Variants in ANKS6 observed in about 807,000 individuals in gnomAD.
ANKS6 encodes ankyrin repeat and SAM domain-containing protein 6.
Under a neutral mutation model 77.9 loss-of-function variants are expected in ANKS6, and 47 were observed. The observed-to-expected ratio is 0.60, with a 90% CI of 0.48 to 0.77. The LOEUF (loss-of-function observed/expected upper bound fraction) is 0.77. Ranked by LOEUF, ANKS6 falls within the 30% of genes least tolerant of loss-of-function variation. The pLI, the probability that ANKS6 is intolerant of heterozygous loss-of-function variation, is 0.00. For missense variants in ANKS6, 1,150 were observed against 1,159.1 expected (o/e 0.99, Z 0.11); for synonymous variants, 488 against 501.7 (o/e 0.97, Z 0.37).
chr9:98,737,040 G>A (rs1248302591), intron 14 of ANKS6, among the ~76,000 whole-genome samples: 2 of 152,168 alleles, frequency 1.3e-5, no homozygotes, highest in African/African-American at 2.4e-5. Context: ...AGTTTAAACT[G>A]CCTTTGCTTC....
chr9:98,795,481 A>G (rs575604127), intron 1 of ANKS6, among the ~76,000 whole-genome samples: 1 of 152,156 alleles, frequency 6.6e-6, no homozygotes, highest in African/African-American at 2.4e-5. Context: ...AGGGAGGACT[A>G]GTACATCATT....
In ANKS6 at chr9:98,732,426, G is replaced by C. The variant is rs975487356; in HGVS notation, c.*4093C>G. 6 of 1,459,856 alleles carry C rather than the reference G, an allele frequency of 4.1e-6. No individual in the cohort carries two copies. The highest frequency in any genetic ancestry group is 5.6e-6 in the Non-Finnish European group (6 of 1,069,260). The allele number at this position is 1,459,856 out of a possible 1,614,324, so 90.4% of individuals were successfully genotyped here. A position where few individuals can be genotyped will look rare whatever the true frequency, so the allele number is the denominator to read the frequency against. On this transcript the variant is annotated 3_prime_UTR_variant, in exon 15 of 15. Transcript: ENST00000353234. ...CAGTGACAGCAAGACCCAGAGTCAG[G>C]CACATTTGGAGGGCAGGTCCATCGG... is the stretch of plus-strand genomic sequence containing the variant.
chr9:98,783,984 A>G lies in ANKS6; in HGVS notation c.1081T>C (p.Trp361Arg). Residue 361 changes from tryptophan to arginine, a missense_variant, in exon 4 of 15, where the codon TGG (tryptophan) becomes CGG (arginine). By Grantham distance (101) the Trp-to-Arg change is moderately radical. Coordinates refer to ENST00000353234, the MANE Select transcript of ANKS6 (RefSeq NM_173551.5). ...DVDKQDSVHG[W>R]TALMQATYHG... ...TAGGTTGCCTGCATGAGGGCCGTCCAGCCATGCACGCTGTCCTGCTTGTCA... is the reference window on the plus strand; with the variant it reads ...TAGGTTGCCTGCATGAGGGCCGTCCGGCCATGCACGCTGTCCTGCTTGTCA... The G allele has an allele frequency of 6.2e-7, 1 of 1,604,650 alleles. No individual in the cohort carries two copies. Among genetic ancestry groups the G allele is most frequent in the Non-Finnish European group, 8.5e-7 (1 of 1,176,630 alleles).
intron 14 of ANKS6, among the ~76,000 whole-genome samples, chr9:98,739,991 G>A (rs1237688182): frequency 1.3e-5 from 2 of 151,830 alleles, no homozygotes; most frequent in East Asian, 1.9e-4. Context: ...TCCTGACCTC[G>A]TGATCCGCCC....
intron 11 of ANKS6, among the ~76,000 whole-genome samples, chr9:98,767,439 C>A (rs1186514426): frequency 2.0e-5 from 3 of 152,180 alleles, no homozygotes; most frequent in African/African-American, 2.4e-5. Flanking sequence ...TAGGGCCCCC[C>A]ACCTGTGCCC....
At chr9:98,787,462 T>C (rs1356057402) in intron 2 of ANKS6, among the ~76,000 whole-genome samples, 2 of 152,014 alleles carry the variant, frequency 1.3e-5, no homozygotes, top group African/African-American at 4.8e-5. Context: ...CTGTCTCCCC[T>C]TATCAAGGCC....
At chr9:98,736,819 A>G (rs1182507521) in intron 14 of ANKS6, among the ~76,000 whole-genome samples, 196 bp from the exon 15 acceptor site, 1 of 152,152 alleles carries the variant, frequency 6.6e-6, no homozygotes, top group East Asian at 1.9e-4. Context: ...AGTACCCACC[A>G]TCGCAGCCTG....
At chr9:98,789,308 G>A (rs1219839253) in intron 2 of ANKS6, among the ~76,000 whole-genome samples, 1 of 151,868 alleles carries the variant, frequency 6.6e-6, no homozygotes, top group African/African-American at 2.4e-5. Context: ...TACCAAGGCT[G>A]TGTGTTGCGA....
intron 1 of ANKS6, among the ~76,000 whole-genome samples, chr9:98,790,995 G>A (rs1285654260): frequency 1.3e-5 from 2 of 152,226 alleles, no homozygotes; most frequent in African/African-American, 2.4e-5. Context: ...CAATGTTAGC[G>A]ATTGTTAGGT....
At chr9:98,783,334 G>T (rs1410744399) in intron 4 of ANKS6, among the ~76,000 whole-genome samples, 1 of 152,154 alleles carries the variant, frequency 6.6e-6, no homozygotes, top group African/African-American at 2.4e-5. Context: ...GATGACACAG[G>T]AAAGTGATCT....
rs985102952 is a variant in ANKS6 at position 98,735,093 on chromosome 9, T to C, written c.*1426A>G. The C allele has an allele frequency of 1.0e-6, 1 of 985,290 alleles. No individual in the cohort carries two copies. Among genetic ancestry groups the C allele is most frequent in the Non-Finnish European group, 1.2e-6 (1 of 829,910 alleles). The allele number at this position is 985,290 out of a possible 1,614,324, so 61.0% of individuals were successfully genotyped here. A position where few individuals can be genotyped will look rare whatever the true frequency, so the allele number is the denominator to read the frequency against. ...AGACCAACTTGTGGCTCAGCATGGC[T>C]CAAGGTAGAGATCAGAATTCTGTGC... On this transcript the variant is annotated 3_prime_UTR_variant, in exon 15 of 15. Coordinates refer to ENST00000353234, the MANE Select transcript of ANKS6 (RefSeq NM_173551.5).
In ANKS6 at chr9:98,783,935, C is replaced by T. The variant is rs146595455; in HGVS notation, c.1112+18G>A. 2.2e-4 allele frequency: 341 copies of T among 1,540,278 alleles called. No individual in the cohort carries two copies. In the African/African-American group the frequency reaches 3.5e-3, roughly 16 times the overall value. On this transcript the variant is annotated intron_variant, in intron 4 of 14. Transcript: ENST00000353234. ...ATCTGTCTGGCCTTGTCGCTGAGGG[C>T]GTGGGGCTGGCACTGACCCATGGTA... is the stretch of plus-strand genomic sequence containing the variant.
intron 10 of ANKS6, among the ~76,000 whole-genome samples, chr9:98,768,772 C>T (rs115615413): frequency 0.019 from 2,904 of 152,296 alleles, 89 homozygotes; most frequent in African/African-American, 0.067. Context: ...TGCTTCCTGA[C>T]TGAACCCTGA....
chr9:98,794,163 AAAG>A (rs1005851842), intron 1 of ANKS6, among the ~76,000 whole-genome samples: 1 of 151,478 alleles, frequency 6.6e-6, no homozygotes, highest in African/African-American at 2.4e-5. Flanking sequence ...AAAAAAAAAA[AAAG>A]AACAGGAAAA....
At chr9:98,746,413 G>T (rs1253308942) in intron 13 of ANKS6, among the ~76,000 whole-genome samples, 1 of 152,128 alleles carries the variant, frequency 6.6e-6, no homozygotes, top group Non-Finnish European at 1.5e-5. Flanking sequence ...TCCAATCCAG[G>T]TCTACTGGGA....
At chr9:98,767,013 G>A (rs912108861) in intron 11 of ANKS6, among the ~76,000 whole-genome samples, 5 of 152,124 alleles carry the variant, frequency 3.3e-5, no homozygotes, top group African/African-American at 7.2e-5. Context: ...TCACACTCAC[G>A]ACTAGGAACC....
At chr9:98,759,429 A>C (rs1564192551) in intron 11 of ANKS6, among the ~76,000 whole-genome samples, 1 of 152,196 alleles carries the variant, frequency 6.6e-6, no homozygotes, top group Admixed American at 6.5e-5. Context: ...GTCTGACATG[A>C]TCTATCCAAA....
intron 2 of ANKS6, 192 bp downstream of exon 2, chr9:98,789,910 CAG>C (rs1834796506): frequency 2.6e-6 from 2 of 762,644 alleles, no homozygotes; most frequent in Non-Finnish European, 3.8e-6. Context: ...AATCACTCTG[CAG>C]AGAGTGGGCC....
intron 8 of ANKS6, among the ~76,000 whole-genome samples, chr9:98,774,816 A>G (rs1833836639): frequency 6.6e-6 from 1 of 152,260 alleles, no homozygotes; most frequent in South Asian, 2.1e-4. Context: ...GCTCACCTTA[A>G]TTAAGAAAAA....
Sources: allele counts gnomAD v4.1 joint callset (sites outside exome capture counted in the v4.1 genomes callset), GRCh38; gene constraint gnomAD v4.1.1; transcripts MANE v1.5; gene names NCBI Gene and HGNC (gene_info 2026-07-23, HGNC 2026-07-21).